Variants in CDC123 observed in about 807,000 individuals in gnomAD.
CDC123 encodes cell division cycle 123.
In CDC123, 37 loss-of-function variants were observed where a neutral mutation model predicts 54.4. The ratio of observed to expected loss-of-function variants is 0.68; its 90% CI spans 0.52 to 0.89. The LOEUF is 0.89. Ranked by LOEUF, CDC123 falls within the 40% of genes least tolerant of loss-of-function variation. CDC123 has a pLI of 0.00. For synonymous variants in CDC123, 144 were observed against 136.8 expected (o/e 1.05, Z -0.37); for missense variants, 361 against 412.1 (o/e 0.88, Z 1.07).
intron 7 of CDC123, among the ~76,000 whole-genome samples, chr10:12,232,589 GA>G (rs549711140): frequency 2.0e-3 from 299 of 152,118 alleles, no homozygotes; most frequent in African/African-American, 6.5e-3. Flanking sequence ...TTGTAGGTGA[GA>G]TTCTTATATA....
At chr10:12,214,057 T>A (rs1031655037) in intron 4 of CDC123, among the ~76,000 whole-genome samples, 2 of 152,194 alleles carry the variant, frequency 1.3e-5, no homozygotes. Flanking sequence ...GTGCATAAAC[T>A]TTTTATAATT....
intron 2 of CDC123, among the ~76,000 whole-genome samples, chr10:12,205,405 C>G (rs1471478027): frequency 6.6e-6 from 1 of 152,180 alleles, no homozygotes; most frequent in African/African-American, 2.4e-5. Flanking sequence ...AGACTTGGGT[C>G]CCATCCCTAA....
intron 1 of CDC123, 103 bp downstream of exon 1, chr10:12,196,422 C>T (rs1179499397): frequency 1.4e-6 from 2 of 1,452,974 alleles, no homozygotes; most frequent in Non-Finnish European, 9.6e-7. Context: ...CTAGCGACTG[C>T]ATGGGAGGGA....
intron 2 of CDC123, among the ~76,000 whole-genome samples, chr10:12,203,748 A>G (rs1051279357): frequency 3.3e-5 from 5 of 151,052 alleles, no homozygotes; most frequent in Non-Finnish European, 7.3e-5. Flanking sequence ...TAGCAAGTCA[A>G]ACATAAATAA....
At chr10:12,209,857 C>A (rs1835573052) in intron 2 of CDC123, 110 bp from the exon 3 acceptor site, 1 of 1,033,208 alleles carries the variant, frequency 9.7e-7, no homozygotes, top group Non-Finnish European at 1.5e-6. Context: ...AGCCACCACA[C>A]CTAGCCTAAT....
intron 10 of CDC123, among the ~76,000 whole-genome samples, chr10:12,241,415 G>A (rs1361694469): frequency 6.6e-6 from 1 of 152,034 alleles, no homozygotes; most frequent in Non-Finnish European, 1.5e-5. Flanking sequence ...TTTTTGTCCA[G>A]TTCTTTTGTA....
At chr10:12,237,608 T>TA (rs1394772042) in intron 9 of CDC123, 1 of 150,510 alleles carries the variant, frequency 6.6e-6, no homozygotes, top group Admixed American at 7.0e-5. Flanking sequence ...TAATTTTTTG[T>TA]ATGTTTAGTA....
At chr10:12,226,400 G>C (rs939243110) in intron 6 of CDC123, among the ~76,000 whole-genome samples, 9 of 151,466 alleles carry the variant, frequency 5.9e-5, no homozygotes, top group Non-Finnish European at 1.0e-4. Context: ...CCGGGTGGGG[G>C]CTCTCCCCCA....
chr10:12,239,380 A>G (rs775593729), intron 10 of CDC123, among the ~76,000 whole-genome samples: 11 of 152,130 alleles, frequency 7.2e-5, no homozygotes, highest in Non-Finnish European at 1.6e-4. Flanking sequence ...TTCAGTTTGC[A>G]CACTTAAATT....
intron 6 of CDC123, among the ~76,000 whole-genome samples, chr10:12,222,448 AC>A (rs1341361093): frequency 6.6e-6 from 1 of 152,040 alleles, no homozygotes; most frequent in Non-Finnish European, 1.5e-5. Context: ...TGAAACCCTG[AC>A]TCTACTAAAA....
At chr10:12,204,516 A>G (rs908195132) in intron 2 of CDC123, among the ~76,000 whole-genome samples, 2 of 152,170 alleles carry the variant, frequency 1.3e-5, no homozygotes, top group African/African-American at 2.4e-5. Flanking sequence ...CATAGTGTAC[A>G]TATTTATGGG....
At chr10:12,204,348 A>G (rs7897493) in intron 2 of CDC123, among the ~76,000 whole-genome samples, 152,020 of 152,234 alleles carry the variant, frequency 1, 75,905 homozygotes, top group Middle Eastern at 1. Flanking sequence ...ATCCCTAATT[A>G]GAAAATCTGA....
chr10:12,203,142 C>T (rs1324575016), intron 2 of CDC123, among the ~76,000 whole-genome samples: 2 of 152,204 alleles, frequency 1.3e-5, no homozygotes, highest in African/African-American at 4.8e-5. Context: ...CTTCCAGAAG[C>T]TCCATGTGTT....
At chr10:12,233,379 C>T (rs1362440063) in intron 7 of CDC123, among the ~76,000 whole-genome samples, 3 of 151,562 alleles carry the variant, frequency 2.0e-5, no homozygotes, top group African/African-American at 7.3e-5. Context: ...GCACAAGAAA[C>T]CTATAGCACT....
At chr10:12,236,480 TC>T (rs1156503150) in intron 8 of CDC123, among the ~76,000 whole-genome samples, 6 of 151,954 alleles carry the variant, frequency 3.9e-5, no homozygotes, top group Admixed American at 2.6e-4. Flanking sequence ...ATGCCTGTAG[TC>T]CCGGCTACTC....
intron 9 of CDC123, among the ~76,000 whole-genome samples, chr10:12,237,764 A>G (rs1006741206): frequency 2.0e-5 from 3 of 152,044 alleles, no homozygotes; most frequent in African/African-American, 2.4e-5. Flanking sequence ...ACTAAAATCT[A>G]TTTTTACTGC....
chr10:12,196,386 C>A, intron 1 of CDC123, 67 bp downstream of exon 1: 1 of 1,605,818 alleles, frequency 6.2e-7, no homozygotes, highest in South Asian at 1.1e-5. Flanking sequence ...GCGAATCTTA[C>A]TGCTATCCAA....
At chr10:12,235,865 G>A (rs543758905) in intron 8 of CDC123, among the ~76,000 whole-genome samples, 1 of 152,206 alleles carries the variant, frequency 6.6e-6, no homozygotes. Context: ...GGGGGGTCCT[G>A]TTGGCACAAG....
chr10:12,203,290 G>T (rs1835467856), intron 2 of CDC123, among the ~76,000 whole-genome samples: 1 of 152,276 alleles, frequency 6.6e-6, no homozygotes, highest in Middle Eastern at 3.4e-3. Context: ...GACTCTATAA[G>T]GTATAGTCTT....
Sources: allele counts gnomAD v4.1 joint callset (sites outside exome capture counted in the v4.1 genomes callset), GRCh38; gene constraint gnomAD v4.1.1; transcripts MANE v1.5; gene names NCBI Gene and HGNC (gene_info 2026-07-23, HGNC 2026-07-21).